Variants in DOP1B observed in about 807,000 individuals in gnomAD.
DOP1B encodes DOP1 leucine zipper like protein B, also known as protein DOP1B.
DOP1B carries 174 observed loss-of-function variants against 233.5 expected under a neutral mutation model. The observed-to-expected ratio is 0.75, with a 90% CI of 0.66 to 0.85. The LOEUF is 0.85. Ranked by LOEUF, DOP1B falls within the 40% of genes least tolerant of loss-of-function variation. The pLI is 0.00. For missense variants in DOP1B, 2,652 were observed against 2,846.6 expected (o/e 0.93, Z 1.56); for synonymous variants, 1,190 against 1,185.6 (o/e 1.00, Z -0.08).
intron 2 of DOP1B, chr21:36,170,331 C>T (rs1429915442): frequency 8.1e-5 from 23 of 283,650 alleles, no homozygotes; most frequent in South Asian, 7.5e-4. Context: ...GGCGCGGTGG[C>T]TCATGCCTGT....
chr21:36,159,905 G>C (rs1040731576), intron 1 of DOP1B, among the ~76,000 whole-genome samples: 21 of 152,164 alleles, frequency 1.4e-4, no homozygotes, highest in Non-Finnish European at 1.0e-4. Context: ...AAGGAGCAAG[G>C]CCACTTTGTC....
chr21:36,290,864 G>A (rs1419645019), intron 35 of DOP1B, among the ~76,000 whole-genome samples: 2 of 151,452 alleles, frequency 1.3e-5, no homozygotes, highest in East Asian at 1.9e-4. Flanking sequence ...CAGCTACTTC[G>A]GAAGCTGAGG....
chr21:36,239,472 G>A (rs968609767), intron 17 of DOP1B, among the ~76,000 whole-genome samples: 1 of 152,176 alleles, frequency 6.6e-6, no homozygotes, highest in East Asian at 1.9e-4. Flanking sequence ...CCAGGCACTC[G>A]GCCTTAGAGA....
intron 32 of DOP1B, among the ~76,000 whole-genome samples, chr21:36,283,069 T>C (rs2067436567): frequency 6.6e-6 from 1 of 151,410 alleles, no homozygotes; most frequent in African/African-American, 2.4e-5. Context: ...GTGGCAAAGT[T>C]GACATTCTGT....
At chr21:36,286,639 AACACAC>A (rs3029064) in intron 32 of DOP1B, among the ~76,000 whole-genome samples, 20,085 of 146,422 alleles carry the variant, frequency 0.14, 1,770 homozygotes, top group African/African-American at 0.25. Context: ...CCATCTCAAA[AACACAC>A]ACACACACAC....
chr21:36,247,685 G>A, intron 20 of DOP1B, 57 bp downstream of exon 20: 1 of 1,285,046 alleles, frequency 7.8e-7, no homozygotes. Flanking sequence ...TTTGTCTTTG[G>A]GCTATGACTG....
At chr21:36,257,709 T>TGTAGGTAGGTAG (rs147594587) in intron 23 of DOP1B, among the ~76,000 whole-genome samples, 2 of 137,984 alleles carry the variant, frequency 1.4e-5, no homozygotes, top group South Asian at 2.4e-4. Context: ...GAGAGATGGA[T>TGTAGGTAGGTAG]GTAGGTAGGT....
chr21:36,191,048 C>T (rs1285900996), intron 2 of DOP1B, among the ~76,000 whole-genome samples: 1 of 152,112 alleles, frequency 6.6e-6, no homozygotes, highest in African/African-American at 2.4e-5. Flanking sequence ...TGCTTCTCCT[C>T]CTAGATGAGA....
chr21:36,254,971 A>G (rs991813605), intron 23 of DOP1B, among the ~76,000 whole-genome samples: 3 of 140,526 alleles, frequency 2.1e-5, no homozygotes, highest in African/African-American at 8.0e-5. Flanking sequence ...TTTTTTTGAG[A>G]CACAGTTTCA....
At chr21:36,220,712 T>C (rs913843050) in intron 10 of DOP1B, among the ~76,000 whole-genome samples, 1 of 148,272 alleles carries the variant, frequency 6.7e-6, no homozygotes, top group African/African-American at 2.5e-5. Flanking sequence ...ACCATGTTGC[T>C]CAGGCTGGTC....
intron 27 of DOP1B, among the ~76,000 whole-genome samples, chr21:36,271,658 G>A (rs767764782): frequency 6.6e-6 from 1 of 151,924 alleles, no homozygotes; most frequent in Non-Finnish European, 1.5e-5. Flanking sequence ...GCTAAACACC[G>A]GGACCCCTTA....
intron 34 of DOP1B, 65 bp downstream of exon 34, chr21:36,288,876 A>C (rs2067519911): frequency 2.7e-6 from 4 of 1,491,426 alleles, no homozygotes; most frequent in East Asian, 2.3e-5. Context: ...GTCACTTTAG[A>C]TATAGAGTTG....
intron 12 of DOP1B, among the ~76,000 whole-genome samples, chr21:36,226,564 G>C (rs540913520): frequency 5.8e-4 from 88 of 151,986 alleles, no homozygotes; most frequent in African/African-American, 1.8e-3. Flanking sequence ...CTCCCAAAGT[G>C]CTGGGATTAC....
chr21:36,280,015 A>G (rs1430696448), intron 30 of DOP1B, among the ~76,000 whole-genome samples: 1 of 152,152 alleles, frequency 6.6e-6, no homozygotes, highest in Non-Finnish European at 1.5e-5. Context: ...AGCTGGGATT[A>G]CAGGCATGCG....
intron 1 of DOP1B, among the ~76,000 whole-genome samples, chr21:36,163,376 TG>T (rs1184430509): frequency 2.7e-5 from 4 of 147,164 alleles, no homozygotes; most frequent in African/African-American, 1.0e-4. Context: ...AAGAAAGTAG[TG>T]GTGGCCTGGT....
intron 12 of DOP1B, among the ~76,000 whole-genome samples, chr21:36,226,667 C>A (rs1399186279): frequency 6.6e-6 from 1 of 152,170 alleles, no homozygotes; most frequent in African/African-American, 2.4e-5. Flanking sequence ...GATCTCAGCT[C>A]ACTGTAGCCT....
intron 30 of DOP1B, among the ~76,000 whole-genome samples, chr21:36,279,575 C>T (rs919011465): frequency 1.8e-4 from 27 of 152,186 alleles, no homozygotes; most frequent in African/African-American, 5.5e-4. Flanking sequence ...CCTCCCTCCA[C>T]GTGATCTTGT....
intron 2 of DOP1B, among the ~76,000 whole-genome samples, chr21:36,165,347 T>G (rs1016647866): frequency 3.3e-5 from 5 of 152,200 alleles, no homozygotes; most frequent in Admixed American, 3.3e-4. Context: ...GTCTGGTAAC[T>G]CCTAGAAGAA....
intron 9 of DOP1B, among the ~76,000 whole-genome samples, chr21:36,217,233 C>T (rs1045690572): frequency 1.8e-4 from 28 of 152,282 alleles, no homozygotes; most frequent in Non-Finnish European, 2.8e-4. Flanking sequence ...GGAGCAGCTT[C>T]TCATGAAGTT....
Sources: allele counts gnomAD v4.1 joint callset (sites outside exome capture counted in the v4.1 genomes callset), GRCh38; gene constraint gnomAD v4.1.1; transcripts MANE v1.5; gene names NCBI Gene and HGNC (gene_info 2026-07-23, HGNC 2026-07-21).